SEC16A: variants seen among roughly 807,000 people sequenced by gnomAD.
The protein encoded by SEC16A is protein transport protein Sec16A.
SEC16A carries 110 observed loss-of-function variants against 221.9 expected under a neutral mutation model. The ratio of observed to expected loss-of-function variants is 0.50; its 90% CI spans 0.42 to 0.58. The LOEUF is 0.58. Among genes scored for constraint, SEC16A ranks in the 20% least tolerant of loss-of-function variants. The pLI, the probability that SEC16A is intolerant of heterozygous loss-of-function variation, is 0.00. For missense variants in SEC16A, 3,165 were observed against 3,097.8 expected (o/e 1.02, Z -0.52); for synonymous variants, 1,393 against 1,257.7 (o/e 1.11, Z -2.28).
At chr9:136,472,691 G>A (rs1025137064) in intron 3 of SEC16A, among the ~76,000 whole-genome samples, 2 of 152,200 alleles carry the variant, frequency 1.3e-5, no homozygotes, top group Non-Finnish European at 2.9e-5. Context: ...GTTCCCAACG[G>A]GGCCCATGTG....
At position 136,477,507 on chromosome 9, in the gene SEC16A, T is replaced by C. The variant is rs778489166; in HGVS notation, c.109A>G (p.Asn37Asp). 6 of 1,613,740 alleles carry C rather than the reference T, an allele frequency of 3.7e-6. No homozygotes were observed. The African/African-American group carries it at 4.0e-5, about 11-fold the overall frequency. Residue 37 changes from asparagine (N) to aspartate (D), a missense_variant, in exon 3 of 32, where the codon AAT (asparagine) becomes GAT (aspartate). Physicochemically the swap from Asn to Asp is conservative, Grantham distance 23. Around this residue, in one of 3 missense-constraint regions of SEC16A, gnomAD observed 2,030 missense variants for 1,923.1 expected, o/e 1.06. Transcript: ENST00000684901. ...ASSPYRRRAN[N>D]NAAVAPTTCP... ...GTTGTCGGAGCCACTGCTGCATTAT[T>C]ATTAGCCCGTCTCCTGTAAGGGCTG... is the stretch of plus-strand genomic sequence containing the variant.
At chr9:136,484,626 C>A (rs757373112), upstream of SEC16A, 10 of 1,364,124 alleles carry the variant, frequency 7.3e-6, no homozygotes, top group East Asian at 4.1e-4. Flanking sequence ...CCACCCTTGT[C>A]CCCAGCTGGG....
intron 28 of SEC16A, 26 bp downstream of exon 28, chr9:136,446,829 T>TCCCCTTTCCCACCGTA (rs1837059582): frequency 6.4e-7 from 1 of 1,574,720 alleles, no homozygotes; most frequent in Admixed American, 1.9e-5. Flanking sequence ...TGGGTACCTT[T>TCCCCTTTCCCACCGTA]CCCCTTTCCC....
At chr9:136,461,791 T>G (rs552550817) in intron 12 of SEC16A, among the ~76,000 whole-genome samples, 3 of 152,192 alleles carry the variant, frequency 2.0e-5, no homozygotes, top group African/African-American at 7.2e-5. Context: ...CTTCAATCAG[T>G]TATAAAACAT....
At position 136,459,200 on chromosome 9, in the gene SEC16A, C is replaced by G; in HGVS notation, c.5343G>C (p.Gln1781His). 6.2e-7 allele frequency: 1 copy of G among 1,613,902 alleles called. No individual in the cohort carries two copies. The highest frequency in any genetic ancestry group is 8.5e-7 in the Non-Finnish European group (1 of 1,179,806). ...FLKFATNEAI[Q>H]RTEAYEYAQS... Reference sequence around the variant, plus strand: ...GGGCGTACTCATAGGCTTCCGTCCTCTGGATTGCTTCGTTGGTTGCGAACT... The same window carrying G: ...GGGCGTACTCATAGGCTTCCGTCCTGTGGATTGCTTCGTTGGTTGCGAACT... The change falls in exon 17 of 32, where the codon CAG (glutamine) becomes CAC (histidine). Residue 1781 changes from glutamine (Q) to histidine (H), a missense_variant. Gln to His is a conservative substitution (Grantham distance 24, BLOSUM62 0). This residue lies in a region of SEC16A where 1,088 missense variants were observed against 1,089.6 expected (regional missense o/e 1.00). Coordinates refer to ENST00000684901, the MANE Select transcript of SEC16A (RefSeq NM_014866.2). This position sits in a 1 kb window ranked among gnomAD's most constrained non-coding sequence, Gnocchi z 6.1.
At chr9:136,454,515 G>A (rs957966852) in intron 20 of SEC16A, among the ~76,000 whole-genome samples, 188 bp from the exon 21 acceptor site, 6 of 152,240 alleles carry the variant, frequency 3.9e-5, no homozygotes, top group Non-Finnish European at 8.8e-5. Context: ...TTGCAGAAAA[G>A]CAGAGTATCC....
chr9:136,443,870 G>T lies in SEC16A; in HGVS notation c.6958C>A (p.Pro2320Thr). The change falls in exon 31 of 32, where the codon CCT (proline) becomes ACT (threonine). Residue 2320 changes from proline (P) to threonine (T), a missense_variant. By Grantham distance (38) the Pro-to-Thr change is conservative (BLOSUM62 -1). Transcript: ENST00000684901. The part of the protein sequence containing the change: ...APGDLPAAGG[P>T]PSGAMPFYNP... ...TAGAAGGGCATGGCCCCGCTGGGAG[G>T]GCCCCCTGCAGCAGGGAGGTCGCCA... is the stretch of plus-strand genomic sequence containing the variant. 1 of 1,611,456 alleles carries T rather than the reference G, an allele frequency of 6.2e-7. No homozygotes were observed. Among genetic ancestry groups the T allele is most frequent in the Non-Finnish European group, 8.5e-7 (1 of 1,178,910 alleles).
rs758049351 is a variant in SEC16A at position 136,445,725 on chromosome 9, G to A, written c.6793-6C>T. On this transcript the variant is annotated splice_region_variant and splice_polypyrimidine_tract_variant and intron_variant, in intron 28 of 31. Transcript: ENST00000684901. ...GACGCTGCAGAGCTTAAAACCTGCC[G>A]AGGAAAAGAAGAATTGCAGCAACCA... The A allele has an allele frequency of 3.2e-5, 49 of 1,551,238 alleles. No homozygotes were observed. The highest frequency in any genetic ancestry group is 1.3e-4 in the South Asian group (11 of 83,792).
At chr9:136,453,585 A>G (rs1588903443) in intron 21 of SEC16A, 75 bp from the exon 22 acceptor site, 3 of 1,190,172 alleles carry the variant, frequency 2.5e-6, no homozygotes, top group East Asian at 4.7e-5. Context: ...ACAGATCAAC[A>G]GGCACACCAC....
chr9:136,443,716 A>C, intron 31 of SEC16A, 107 bp downstream of exon 31: 1 of 740,590 alleles, frequency 1.4e-6, no homozygotes, highest in Non-Finnish European at 2.3e-6. Flanking sequence ...TTTTTTAAAA[A>C]GAAAGAAAAA....
At chr9:136,480,088 G>A (rs757096986) in intron 1 of SEC16A, among the ~76,000 whole-genome samples, 13 of 152,146 alleles carry the variant, frequency 8.5e-5, no homozygotes, top group Non-Finnish European at 1.5e-4. Context: ...GAGGTTTTAG[G>A]CTCTCATCTG....
At chr9:136,482,549 ATG>A (rs1397557683) in intron 1 of SEC16A, among the ~76,000 whole-genome samples, 2 of 152,254 alleles carry the variant, frequency 1.3e-5, no homozygotes, top group East Asian at 1.9e-4. Flanking sequence ...TCAAATGTAA[ATG>A]TGTCTCTTCA....
At position 136,459,911 on chromosome 9, in the gene SEC16A, G is replaced by T; in HGVS notation, c.5074-37C>A. On this transcript the variant is annotated intron_variant, in intron 14 of 31. Coordinates refer to ENST00000684901, the MANE Select transcript of SEC16A (RefSeq NM_014866.2). This position sits in a 1 kb window ranked among gnomAD's most constrained non-coding sequence, Gnocchi z 6.1. Reference sequence around the variant, plus strand: ...AAAAACAAAACGAAGCCTCATCCCCGGAAGCCAGCGCCATTTCAATTCCAC... The same window carrying T: ...AAAAACAAAACGAAGCCTCATCCCCTGAAGCCAGCGCCATTTCAATTCCAC... 1 of 1,577,136 alleles carries T rather than the reference G, an allele frequency of 6.3e-7. No individual in the cohort carries two copies. Among genetic ancestry groups the T allele is most frequent in the Middle Eastern group, 1.7e-4 (1 of 6,026 alleles).
rs542210769 is a variant in SEC16A at position 136,479,802 on chromosome 9, G to GT, written c.-191-973dup. Among the ~76,000 whole-genome samples, 106 of 152,010 alleles carry GT rather than the reference G, an allele frequency of 7.0e-4. No homozygotes were observed. The East Asian group carries it at 0.018, about 26-fold the overall frequency. ...GTAGGAGGACCACTCGAGTTCAGCA[G>GT]TTTGAGACCAGCCTGGGCAACACAC... On this transcript the variant is annotated intron_variant, in intron 1 of 31. Transcript: ENST00000684901.
intron 30 of SEC16A, among the ~76,000 whole-genome samples, 189 bp downstream of exon 30, chr9:136,444,863 G>C (rs1836723301): frequency 7.6e-6 from 1 of 131,560 alleles, no homozygotes; most frequent in Non-Finnish European, 1.6e-5. Context: ...TGGGCAACAA[G>C]AGCGAAACTC....
chr9:136,474,048 C>G lies in SEC16A; in HGVS notation c.3567+1G>C. 2 of 1,596,484 alleles carry G rather than the reference C, an allele frequency of 1.3e-6. No homozygotes were observed. Among genetic ancestry groups the G allele is most frequent in the Non-Finnish European group, 1.7e-6 (2 of 1,169,624 alleles). On this transcript the variant is annotated splice_donor_variant, in intron 3 of 31. Transcript: ENST00000684901. LOFTEE classifies it high-confidence loss of function. Reference sequence around the variant, plus strand: ...GGTTACACATACGACTCGACTCTTACCTGGTAATAGAGGGAGGCTGCGCCA... The same window carrying G: ...GGTTACACATACGACTCGACTCTTAGCTGGTAATAGAGGGAGGCTGCGCCA...
chr9:136,445,518 A>G, intron 29 of SEC16A, 127 bp downstream of exon 29: 1 of 718,406 alleles, frequency 1.4e-6, no homozygotes, highest in Non-Finnish European at 2.3e-6. Context: ...ACCACCTTCG[A>G]GGTGCTCTTG....
chr9:136,461,881 C>A (rs532020394), intron 12 of SEC16A, among the ~76,000 whole-genome samples: 2 of 151,044 alleles, frequency 1.3e-5, no homozygotes, highest in East Asian at 3.9e-4. Context: ...CCAAGGTGGG[C>A]GGATTGCTTG....
intron 2 of SEC16A, 114 bp from the exon 3 acceptor site, chr9:136,477,798 T>G: frequency 9.4e-7 from 1 of 1,067,604 alleles, no homozygotes. Context: ...GTCACTTAAA[T>G]CCCAAGGACT....
Sources: gnomAD v4.1 joint callset for allele counts (sites outside exome capture counted in the v4.1 genomes callset) on GRCh38, gnomAD v4.1.1 for gene constraint, gnomAD v4.1.1 regional missense constraint, Gnocchi (gnomAD v3.1) non-coding constraint, MANE v1.5 for transcripts, NCBI Gene and HGNC (gene_info 2026-07-23, HGNC 2026-07-21) for gene names.